Variants in TRIP12 observed in about 807,000 individuals in gnomAD.
The protein encoded by TRIP12 is E3 ubiquitin-protein ligase TRIP12.
TRIP12 carries 25 observed loss-of-function variants against 244.2 expected under a neutral mutation model. The observed-to-expected ratio is 0.10, with a 90% confidence interval of 0.07 to 0.14. The LOEUF (loss-of-function observed/expected upper bound fraction) is 0.14, where lower values mean the gene tolerates loss of function less well. TRIP12 is among the 10% of genes least tolerant of loss of function. The pLI, the probability that TRIP12 is intolerant of heterozygous loss-of-function variation, is 1.00. For missense variants in TRIP12, 1,677 were observed against 2,486.4 expected (o/e 0.67, Z 6.92); for synonymous variants, 905 against 873.1 (o/e 1.04, Z -0.64).
At chr2:229,826,921 A>G (rs949631870) in intron 8 of TRIP12, among the ~76,000 whole-genome samples, 3 of 152,148 alleles carry the variant, frequency 2.0e-5, no homozygotes, top group African/African-American at 7.2e-5. Flanking sequence ...CCTAGACTAT[A>G]TATTACTATC....
chr2:229,859,678 C>T (rs2060154624), intron 3 of TRIP12, 104 bp from the exon 4 acceptor site: 2 of 1,272,510 alleles, frequency 1.6e-6, no homozygotes, highest in African/African-American at 3.0e-5. Context: ...CCTACTAAGT[C>T]CAGTATTAAA....
chr2:229,802,502 A>G (rs2044647288), intron 20 of TRIP12, 43 bp from the exon 21 acceptor site: 2 of 1,471,980 alleles, frequency 1.4e-6, no homozygotes, highest in African/African-American at 1.4e-5. Flanking sequence ...TTTAATCAGG[A>G]GTAGAACCTT....
chr2:229,922,267 G>A, upstream of TRIP12: 2 of 514,870 alleles, frequency 3.9e-6, no homozygotes, highest in Non-Finnish European at 3.5e-6. Context: ...TCCCTCCGCC[G>A]GGGTCACCCC....
chr2:229,797,146 T>G (rs1049861150), intron 24 of TRIP12, among the ~76,000 whole-genome samples: 7 of 152,082 alleles, frequency 4.6e-5, no homozygotes, highest in African/African-American at 1.7e-4. Flanking sequence ...GGCTTTAAAT[T>G]AATACATTTA....
rs747264912 is a variant in TRIP12 at position 229,814,333 on chromosome 2, C to CAT, written c.1732-10_1732-9dup. ...ACACTGAATAACTTGCAGCTGGGAA[C>CAT]ATATATATAGTTACCATAAGGTTAT... On this transcript the variant is annotated splice_polypyrimidine_tract_variant and intron_variant, in intron 11 of 41. Transcript: ENST00000675903. 4.3e-6 allele frequency: 7 copies of CAT among 1,613,062 alleles called. No homozygotes were observed. The highest frequency in any genetic ancestry group is 3.3e-5 in the South Asian group (3 of 90,996).
At chr2:229,814,166 G>T (rs1575407550) in intron 12 of TRIP12, 67 bp downstream of exon 12, 2 of 1,574,830 alleles carry the variant, frequency 1.3e-6, no homozygotes, top group East Asian at 4.5e-5. Flanking sequence ...CAAGTAGCCT[G>T]TACAAATGTG....
chr2:229,784,543 T>G (rs1034778779), intron 34 of TRIP12, among the ~76,000 whole-genome samples: 1 of 145,332 alleles, frequency 6.9e-6, no homozygotes, highest in African/African-American at 2.5e-5. Flanking sequence ...ATGGATTTCA[T>G]CAAAACTGAA....
intron 1 of TRIP12, among the ~76,000 whole-genome samples, chr2:229,917,550 G>A (rs536017292): frequency 6.6e-6 from 1 of 151,976 alleles, no homozygotes; most frequent in South Asian, 2.1e-4. Flanking sequence ...CTAAAGCTTG[G>A]CCTATGAAAA....
In TRIP12 at chr2:229,774,116, T is replaced by C; in HGVS notation, c.5675A>G (p.Asn1892Ser). Residue 1892 changes from asparagine (N) to serine (S), a missense_variant, in exon 38 of 42, where the codon AAT (asparagine) becomes AGT (serine). Physicochemically the swap from Asn to Ser is conservative, Grantham distance 46. Transcript: ENST00000675903. ...ACATACTCTTAGATACTCCTCTAAA[T>C]TGTGGATAGTGACTGGTATATCCTT... is the stretch of plus-strand genomic sequence containing the variant. Reference protein sequence around the residue: ...GGKDIPVTIHNLEEYLRLVIF... With the variant: ...GGKDIPVTIHSLEEYLRLVIF... The C allele has an allele frequency of 6.2e-7, 1 of 1,614,036 alleles. No individual in the cohort carries two copies. Among genetic ancestry groups the C allele is most frequent in the Non-Finnish European group, 8.5e-7 (1 of 1,179,958 alleles).
intron 1 of TRIP12, among the ~76,000 whole-genome samples, chr2:229,897,576 G>A (rs2069224876): frequency 6.6e-6 from 1 of 152,234 alleles, no homozygotes; most frequent in Non-Finnish European, 1.5e-5. Flanking sequence ...TGAACCAGGA[G>A]GCGGAGGTTG....
intron 34 of TRIP12, among the ~76,000 whole-genome samples, chr2:229,781,769 T>G (rs1230435643): frequency 6.6e-6 from 1 of 152,208 alleles, no homozygotes; most frequent in East Asian, 1.9e-4. Context: ...CCAGCTGACA[T>G]GTACAGCTGA....
At chr2:229,831,090 A>G (rs1238785412) in intron 6 of TRIP12, 1 of 706,188 alleles carries the variant, frequency 1.4e-6, no homozygotes, top group Admixed American at 2.1e-5. Flanking sequence ...GTGGCTTTTG[A>G]CAAATTTCTT....
rs199969116 is a variant in TRIP12, at chr2:229,879,936, T to C, written c.98+46A>G. 6.0e-5 allele frequency: 97 copies of C among 1,603,436 alleles called. No homozygotes were observed. The African/African-American group carries it at 1.1e-3, about 19-fold the overall frequency. ...CTCGCAAGGAGGCTTAAAAATATTT[T>C]TTCTTTTATTCCCAATTCCTTTTCA... On this transcript the variant is annotated intron_variant, in intron 2 of 41. Coordinates refer to ENST00000675903, the MANE Select transcript of TRIP12 (RefSeq NM_001348323.3).
chr2:229,854,436 A>G lies in TRIP12; in HGVS notation c.1027+4336T>C, dbSNP rs80197170. Among the ~76,000 whole-genome samples, 27 of 152,348 alleles carry G rather than the reference A, an allele frequency of 1.8e-4. No homozygotes were observed. The East Asian group carries it at 5.0e-3, about 28-fold the overall frequency. On this transcript the variant is annotated intron_variant, in intron 4 of 41. Coordinates refer to ENST00000675903, the MANE Select transcript of TRIP12 (RefSeq NM_001348323.3). Reference sequence around the variant, plus strand: ...CCTTAAGATATTCACTTTCAGTTGTACACCCTAAATTTTGTGATGCCTCCT... The same window carrying G: ...CCTTAAGATATTCACTTTCAGTTGTGCACCCTAAATTTTGTGATGCCTCCT...
chr2:229,771,566 C>A lies in TRIP12; in HGVS notation c.5761G>T (p.Glu1921Ter). 1 of 1,614,084 alleles carries A rather than the reference C, an allele frequency of 6.2e-7. No individual in the cohort carries two copies. Among genetic ancestry groups the A allele is most frequent in the South Asian group, 1.1e-5 (1 of 91,070 alleles). Residue 1921 changes from glutamate (E) to a stop codon, truncating the protein, a stop_gained, in exon 39 of 42, where the codon GAA becomes TAA. Coordinates refer to ENST00000675903, the MANE Select transcript of TRIP12 (RefSeq NM_001348323.3). LOFTEE classifies it high-confidence loss of function. ...AGATGACTGAGTGGGAAGACTGATT[C>A]AAATCCATCTCTGAACGAATCAAAT... The part of the protein sequence containing the change: ...RQFDSFRDGF[E>*]SVFPLSHLQY...
chr2:229,857,983 C>T (rs1289523658), intron 4 of TRIP12, among the ~76,000 whole-genome samples: 1 of 152,142 alleles, frequency 6.6e-6, no homozygotes, highest in African/African-American at 2.4e-5. Flanking sequence ...TGAGATATTA[C>T]ATATGAAAAA....
intron 6 of TRIP12, among the ~76,000 whole-genome samples, chr2:229,832,485 C>A (rs1174533072): frequency 6.6e-6 from 1 of 152,194 alleles, no homozygotes; most frequent in Non-Finnish European, 1.5e-5. Flanking sequence ...CTGGGCAAAA[C>A]CCACACTTCT....
At chr2:229,777,871 A>G (rs1251891445) in intron 36 of TRIP12, among the ~76,000 whole-genome samples, 1 of 152,182 alleles carries the variant, frequency 6.6e-6, no homozygotes, top group Non-Finnish European at 1.5e-5. Context: ...TGCCTCCGAA[A>G]ACATGAGAAG....
intron 1 of TRIP12, among the ~76,000 whole-genome samples, chr2:229,916,063 A>G (rs1443762884): frequency 6.6e-6 from 1 of 152,228 alleles, no homozygotes; most frequent in Non-Finnish European, 1.5e-5. Context: ...CAAATGAGGC[A>G]ATGGTCCACA....
Sources: allele counts gnomAD v4.1 joint callset (sites outside exome capture counted in the v4.1 genomes callset), GRCh38; gene constraint gnomAD v4.1.1; transcripts MANE v1.5; gene names NCBI Gene and HGNC (gene_info 2026-07-23, HGNC 2026-07-21).